The following TBX5 variants were observed in gnomAD, a reference collection of about 807,000 sequenced individuals.
The protein encoded by TBX5 is T-box transcription factor TBX5.
Under a neutral mutation model 51.1 loss-of-function variants are expected in TBX5, and 8 were observed. The ratio of observed to expected loss-of-function variants is 0.16; its 90% CI spans 0.09 to 0.28. TBX5 has a LOEUF of 0.28. Among genes scored for constraint, TBX5 ranks in the 10% least tolerant of loss-of-function variants. The pLI is 1.00. For missense variants in TBX5, 589 were observed against 671.7 expected (o/e 0.88, Z 1.36); for synonymous variants, 302 against 266.4 (o/e 1.13, Z -1.30).
Position 114,372,097 on chromosome 12 carries a change from G to A in TBX5, c.756-5706C>T, listed in dbSNP as rs533089133. Among the ~76,000 whole-genome samples, 23 of 152,206 alleles carry A rather than the reference G, an allele frequency of 1.5e-4. 1 individual carries two copies. Among genetic ancestry groups the A allele is most frequent in the Admixed American group, 1.4e-3 (21 of 15,274 alleles). ...TGGAATAACAGACATTGGAGGCTCCGACGGGTGGGAGGTGGGTGAGGGATG... is the reference window on the plus strand; with the variant it reads ...TGGAATAACAGACATTGGAGGCTCCAACGGGTGGGAGGTGGGTGAGGGATG... On this transcript the variant is annotated intron_variant, in intron 7 of 8. Coordinates refer to ENST00000405440, the MANE Select transcript of TBX5 (RefSeq NM_181486.4).
chr12:114,381,381 G>C (rs2136392877), intron 7 of TBX5, among the ~76,000 whole-genome samples: 1 of 152,226 alleles, frequency 6.6e-6, no homozygotes, highest in South Asian at 2.1e-4. Context: ...TGCCGTTCCT[G>C]CCTGGCTGTT....
At chr12:114,368,527 G>A (rs1593849494) in intron 7 of TBX5, among the ~76,000 whole-genome samples, 1 of 152,162 alleles carries the variant, frequency 6.6e-6, no homozygotes, top group African/African-American at 2.4e-5. Context: ...AGGAAGTTGA[G>A]GCCCAGGGAG....
At chr12:114,397,784 A>C (rs1416342000) in intron 5 of TBX5, among the ~76,000 whole-genome samples, 3 of 152,128 alleles carry the variant, frequency 2.0e-5, no homozygotes, top group African/African-American at 7.2e-5. Context: ...GTTGGAAAAA[A>C]AACAGATCTC....
chr12:114,365,272 A>G (rs1372918614), intron 8 of TBX5, among the ~76,000 whole-genome samples: 1 of 151,952 alleles, frequency 6.6e-6, no homozygotes, highest in Admixed American at 6.6e-5. Context: ...CCAGAGAAGC[A>G]TTGATAGTCA....
rs56315440 is a variant in TBX5, at chr12:114,365,829, CAAAAAAA to C, written c.982+329_982+335del. Among the ~76,000 whole-genome samples the C allele has an allele frequency of 0.26, 32,673 of 124,658 alleles. 3,893 individuals are homozygous for C. Among genetic ancestry groups the C allele is most frequent in the Non-Finnish European group, 0.29 (17,732 of 61,300 alleles). 81.8% of individuals were successfully genotyped at this position (124,658 alleles called of 152,430 possible). ...TGGGTGATAGAGCAAGATCCTGTCT[CAAAAAAA>C]AAAAAAAAAGAAAAAAAAAAGTAAA... On this transcript the variant is annotated intron_variant, in intron 8 of 8. Transcript: ENST00000405440.
intron 8 of TBX5, among the ~76,000 whole-genome samples, chr12:114,357,621 G>T (rs1225000177): frequency 6.6e-6 from 1 of 152,176 alleles, no homozygotes; most frequent in Non-Finnish European, 1.5e-5. Context: ...TTGTTGCAGG[G>T]CTAACACCAC....
intron 7 of TBX5, among the ~76,000 whole-genome samples, chr12:114,372,058 G>T (rs1410092322): frequency 1.3e-5 from 2 of 152,160 alleles, no homozygotes; most frequent in Non-Finnish European, 2.9e-5. Context: ...CAACCTGGGC[G>T]TGGACATAGA....
intron 5 of TBX5, 117 bp from the exon 6 acceptor site, chr12:114,395,010 A>G (rs1213274140): frequency 1.0e-6 from 1 of 1,003,812 alleles, no homozygotes; most frequent in Non-Finnish European, 1.5e-6. Flanking sequence ...CGAAAAATAG[A>G]TATTTTTCTT....
At chr12:114,379,922 T>C (rs946156337) in intron 7 of TBX5, among the ~76,000 whole-genome samples, 1 of 152,184 alleles carries the variant, frequency 6.6e-6, no homozygotes, top group African/African-American at 2.4e-5. Context: ...TCAGATGCTG[T>C]CTCCTGGAAT....
In TBX5 at chr12:114,405,853, C is replaced by G; in HGVS notation, c.-264G>C. ...CTCCTCTGCTGTGCGCTTGCTCTCCCTAAATACTTCCCAGTTGGCAAGCGC... is the reference window on the plus strand; with the variant it reads ...CTCCTCTGCTGTGCGCTTGCTCTCCGTAAATACTTCCCAGTTGGCAAGCGC... On this transcript the variant is annotated 5_prime_UTR_variant, in exon 1 of 9. An upstream open reading frame in the 5' UTR loses its in-frame stop. Transcript: ENST00000405440. The G allele has an allele frequency of 1.0e-6, 1 of 985,542 alleles. No homozygotes were observed. Among genetic ancestry groups the G allele is most frequent in the Non-Finnish European group, 1.2e-6 (1 of 830,000 alleles). The allele number at this position is 985,542 out of a possible 1,614,324, so 61.0% of individuals were successfully genotyped here. A position where few individuals can be genotyped will look rare whatever the true frequency, so the allele number is the denominator to read the frequency against.
chr12:114,362,726 G>A (rs1466149523), intron 8 of TBX5, among the ~76,000 whole-genome samples: 2 of 152,132 alleles, frequency 1.3e-5, no homozygotes, highest in East Asian at 1.9e-4. Flanking sequence ...GTGCAGTGGT[G>A]CAATCACAGC....
At chr12:114,388,916 T>C (rs1870987176) in intron 6 of TBX5, among the ~76,000 whole-genome samples, 1 of 151,580 alleles carries the variant, frequency 6.6e-6, no homozygotes, top group Non-Finnish European at 1.5e-5. Flanking sequence ...TTCCTGTAGC[T>C]TTCAGATTTT....
intron 3 of TBX5, 28 bp from the exon 4 acceptor site, chr12:114,399,660 G>C (rs751705347): frequency 1.6e-5 from 26 of 1,613,886 alleles, no homozygotes; most frequent in Non-Finnish European, 2.0e-5. Flanking sequence ...AGGGAGAGAG[G>C]GGGGCGGGAA....
chr12:114,380,893 T>C (rs1221053584), intron 7 of TBX5, among the ~76,000 whole-genome samples: 1 of 152,040 alleles, frequency 6.6e-6, no homozygotes, highest in Non-Finnish European at 1.5e-5. Context: ...GTTCTTCAAT[T>C]TGGGGAAATA....
In TBX5 at chr12:114,354,283, T is replaced by G. The variant is rs1868742710; in HGVS notation, c.*1249A>C. 6.6e-6 allele frequency: 1 copy of G among 152,352 alleles called. No homozygotes were observed. Among genetic ancestry groups the G allele is most frequent in the Non-Finnish European group, 1.5e-5 (1 of 68,040 alleles). 9.4% of individuals were successfully genotyped at this position (152,352 alleles called of 1,614,324 possible). On this transcript the variant is annotated 3_prime_UTR_variant, in exon 9 of 9. Coordinates refer to ENST00000405440, the MANE Select transcript of TBX5 (RefSeq NM_181486.4). ...CTCTTGGCCAGCTCCTATGCTGGGT[T>G]TCATTTCATGTTATTACTTAATTAG...
intron 6 of TBX5, among the ~76,000 whole-genome samples, chr12:114,393,997 A>T (rs1321607038): frequency 6.6e-6 from 1 of 152,200 alleles, no homozygotes; most frequent in African/African-American, 2.4e-5. Context: ...CAACTTTGCC[A>T]CCTGTGCTGT....
intron 7 of TBX5, among the ~76,000 whole-genome samples, chr12:114,378,611 C>T (rs912783086): frequency 1.3e-5 from 2 of 152,066 alleles, no homozygotes; most frequent in African/African-American, 2.4e-5. Flanking sequence ...CCTTCTTGAA[C>T]CTGTTTTCTG....
Position 114,403,996 on chromosome 12 carries a change from G to A in TBX5, c.-38-60C>T, listed in dbSNP as rs565635250. 15 of 1,531,630 alleles carry A rather than the reference G, an allele frequency of 9.8e-6. No individual in the cohort carries two copies. In the African/African-American group the frequency reaches 1.9e-4, roughly 19 times the overall value. The allele number at this position is 1,531,630 out of a possible 1,614,324, so 94.9% of individuals were successfully genotyped here. ...GAGGACAGAGAGAGAACGAGAGAAA[G>A]GTTGGAGAGCACAATTCTAGTGACA... On this transcript the variant is annotated intron_variant, in intron 1 of 8. Coordinates refer to ENST00000405440, the MANE Select transcript of TBX5 (RefSeq NM_181486.4).
chr12:114,385,635 G>A (rs1328725695), intron 6 of TBX5, 68 bp from the exon 7 acceptor site: 3 of 1,292,396 alleles, frequency 2.3e-6, no homozygotes, highest in Non-Finnish European at 3.4e-6. Context: ...CTCAGGACAT[G>A]AGCTAATAAT....
Sources: gnomAD v4.1 joint callset for allele counts (sites outside exome capture counted in the v4.1 genomes callset) on GRCh38, gnomAD v4.1.1 for gene constraint, MANE v1.5 for transcripts, NCBI Gene and HGNC (gene_info 2026-07-23, HGNC 2026-07-21) for gene names.